ESRRG: variants seen among roughly 807,000 people sequenced by gnomAD.
The protein encoded by ESRRG is estrogen-related receptor gamma.
A neutral mutation model predicts 44.0 loss-of-function variants in ESRRG; 13 were observed. The ratio of observed to expected loss-of-function variants is 0.30; its 90% CI spans 0.19 to 0.47. ESRRG has a LOEUF of 0.47. Among genes scored for constraint, ESRRG ranks in the 20% least tolerant of loss-of-function variants. The pLI, the probability that ESRRG is intolerant of heterozygous loss-of-function variation, is 1.00. For synonymous variants in ESRRG, 215 were observed against 214.6 expected (o/e 1.00, Z -0.02); for missense variants, 395 against 580.6 (o/e 0.68, Z 3.29).
At chr1:216,551,314 G>T (rs1017772315) in intron 5 of ESRRG, among the ~76,000 whole-genome samples, 1 of 151,994 alleles carries the variant, frequency 6.6e-6, no homozygotes, top group African/African-American at 2.4e-5. Context: ...ATTGCACATG[G>T]TATTTTTGTT....
intron 2 of ESRRG, among the ~76,000 whole-genome samples, chr1:216,915,356 C>A (rs1204492180): frequency 6.6e-6 from 1 of 152,138 alleles, no homozygotes; most frequent in African/African-American, 2.4e-5. Context: ...ATGAAGAGTC[C>A]AAATATGCCA....
chr1:216,913,078 C>T lies in ESRRG; in HGVS notation c.-14+26504G>A, dbSNP rs186097178. ...TGTGGAGGTTGCAGTGAACCGAGAT[C>T]GCACTACTGCACTCCAGAGCGAGAC... is the stretch of plus-strand genomic sequence containing the variant. On this transcript the variant is annotated intron_variant, in intron 2 of 7. Transcript: ENST00000359162. Among the ~76,000 whole-genome samples, 251 of 138,286 alleles carry T rather than the reference C, an allele frequency of 1.8e-3. 2 individuals are homozygous for T. The highest frequency in any genetic ancestry group is 2.6e-3 in the Non-Finnish European group (174 of 66,302). The allele number at this position is 138,286 out of a possible 152,430, so 90.7% of individuals were successfully genotyped here.
At chr1:217,133,643 CTCTCTTTCTTTCTTTCTTTCTT>C (rs2093001187) in intron 1 of ESRRG, among the ~76,000 whole-genome samples, 2 of 52,636 alleles carry the variant, frequency 3.8e-5, no homozygotes, top group Admixed American at 1.8e-4. Flanking sequence ...CTCTCTCTCT[CTCTCTTTCTTTCTTTCTTTCTT>C]TCTTTCTTTC....
At chr1:216,515,300 T>TATA (rs1344514458) in intron 6 of ESRRG, among the ~76,000 whole-genome samples, 1 of 152,070 alleles carries the variant, frequency 6.6e-6, no homozygotes, top group Non-Finnish European at 1.5e-5. Context: ...TATGTGTATA[T>TATA]ATATATCCTA....
At chr1:216,663,664 G>A (rs1313218295) in intron 2 of ESRRG, among the ~76,000 whole-genome samples, 1 of 151,576 alleles carries the variant, frequency 6.6e-6, no homozygotes. Flanking sequence ...GAGACCAAGA[G>A]CAACAACAAC....
chr1:216,844,566 C>T (rs150395114), intron 2 of ESRRG, among the ~76,000 whole-genome samples: 121 of 152,092 alleles, frequency 8.0e-4, no homozygotes, highest in Non-Finnish European at 1.6e-3. Context: ...AAGTGCACCA[C>T]GCTCCTCCTC....
intron 2 of ESRRG, among the ~76,000 whole-genome samples, chr1:216,675,413 A>G (rs1559154458): frequency 6.6e-6 from 1 of 152,184 alleles, no homozygotes; most frequent in Non-Finnish European, 1.5e-5. Context: ...TGTACACATA[A>G]AGGGTTTCAG....
intron 5 of ESRRG, among the ~76,000 whole-genome samples, chr1:216,541,585 TGTGTGTGTG>T (rs1558372577): frequency 2.0e-5 from 3 of 148,058 alleles, no homozygotes; most frequent in African/African-American, 7.7e-5. Flanking sequence ...TGTGTGTGTG[TGTGTGTGTG>T]TGTGTGTGTG....
chr1:217,119,264 G>C (rs1247148406), intron 1 of ESRRG, among the ~76,000 whole-genome samples: 1 of 152,134 alleles, frequency 6.6e-6, no homozygotes, highest in East Asian at 1.9e-4. Context: ...TATTGAATTA[G>C]CTTTGTTTCA....
chr1:216,507,408 A>G (rs1299065334), intron 6 of ESRRG, among the ~76,000 whole-genome samples: 2 of 152,196 alleles, frequency 1.3e-5, no homozygotes, highest in Non-Finnish European at 2.9e-5. Flanking sequence ...GAAAAGATCT[A>G]TGATTTAAAA....
At chr1:216,921,287 T>G (rs577268527) in intron 2 of ESRRG, among the ~76,000 whole-genome samples, 3 of 152,120 alleles carry the variant, frequency 2.0e-5, no homozygotes, top group Admixed American at 6.6e-5. Context: ...GGTGACTTTT[T>G]TCAAGTACTT....
chr1:216,881,969 G>T (rs917187499), intron 2 of ESRRG, among the ~76,000 whole-genome samples: 1 of 146,100 alleles, frequency 6.8e-6, no homozygotes, highest in Non-Finnish European at 1.5e-5. Flanking sequence ...TATGCACTGG[G>T]TTTTTTTTTT....
At chr1:217,135,631 A>G (rs1389446809) in intron 1 of ESRRG, among the ~76,000 whole-genome samples, 2 of 152,162 alleles carry the variant, frequency 1.3e-5, no homozygotes, top group Admixed American at 6.5e-5. Flanking sequence ...GCGCGGACCC[A>G]CATTCACCGA....
At chr1:216,544,279 T>C (rs1432656325) in intron 5 of ESRRG, among the ~76,000 whole-genome samples, 1 of 152,040 alleles carries the variant, frequency 6.6e-6, no homozygotes, top group Non-Finnish European at 1.5e-5. Flanking sequence ...TATATAAAAC[T>C]CCAAAACATG....
chr1:217,061,605 G>A (rs552790785), intron 1 of ESRRG, among the ~76,000 whole-genome samples: 5 of 152,184 alleles, frequency 3.3e-5, no homozygotes, highest in African/African-American at 7.2e-5. Context: ...AATGTCCAGG[G>A]CTTGTAGGAA....
chr1:216,537,020 G>T (rs904946152), intron 5 of ESRRG, among the ~76,000 whole-genome samples: 1 of 152,188 alleles, frequency 6.6e-6, no homozygotes, highest in East Asian at 1.9e-4. Flanking sequence ...TTTGAGCAGA[G>T]ATCTGAAGGA....
intron 2 of ESRRG, among the ~76,000 whole-genome samples, chr1:216,662,337 C>A (rs750333518): frequency 1.3e-5 from 2 of 152,004 alleles, no homozygotes; most frequent in Non-Finnish European, 2.9e-5. Flanking sequence ...GCAAACAAAC[C>A]AACCAAAGAG....
rs374094836 is a variant in ESRRG at position 216,764,070 on chromosome 1, C to G, written c.-13-86579G>C. On this transcript the variant is annotated intron_variant, in intron 2 of 7. Coordinates refer to the ESRRG transcript ENST00000359162. ...GTGGCTATCGGAATCTCCAGGGGCT[C>G]TTGTTAATCACACAAATTTCTGTGT... 4.1e-3 allele frequency among the ~76,000 whole-genome samples: 622 copies of G among 152,204 alleles called. 8 individuals carry two copies. The highest frequency in any genetic ancestry group is 0.014 in the African/African-American group (600 of 41,520).
intron 2 of ESRRG, among the ~76,000 whole-genome samples, chr1:216,801,382 T>C (rs1027429503): frequency 5.3e-5 from 8 of 152,164 alleles, no homozygotes; most frequent in African/African-American, 1.9e-4. Context: ...TCTGCCATTT[T>C]GTATCCTGTG....
Sources: allele counts gnomAD v4.1 joint callset (sites outside exome capture counted in the v4.1 genomes callset), GRCh38; gene constraint gnomAD v4.1.1; transcripts MANE v1.5; gene names NCBI Gene and HGNC (gene_info 2026-07-23, HGNC 2026-07-21).